The following WWOX variants were observed in gnomAD, a reference collection of about 807,000 sequenced individuals.
The protein encoded by WWOX is WW domain-containing oxidoreductase.
Under a neutral mutation model 46.2 loss-of-function variants are expected in WWOX, and 69 were observed. The ratio of observed to expected loss-of-function variants is 1.49; its 90% CI spans 1.23 to 1.82. WWOX has a LOEUF of 1.82. WWOX is among the 40% of genes most tolerant of loss of function. The pLI is 0.00. For synonymous variants in WWOX, 359 were observed against 202.6 expected (o/e 1.77, Z -6.56); for missense variants, 919 against 542.6 (o/e 1.69, Z -6.89).
chr16:78,884,141 G>A (rs549719230), intron 8 of WWOX, among the ~76,000 whole-genome samples: 160 of 151,882 alleles, frequency 1.1e-3, no homozygotes, highest in African/African-American at 3.4e-3. Context: ...GCATAGTGGC[G>A]TATGCCTGTA....
rs1232283437 is a variant in WWOX, at chr16:78,996,370, G to A, written c.1057-215238G>A. On this transcript the variant is annotated intron_variant, in intron 8 of 8. Transcript: ENST00000566780. ...AATAGAAAGAGTGTGAGTGAATTCT[G>A]CACCCACCCCCGCCCCCCAGCTTCC... is the stretch of plus-strand genomic sequence containing the variant. The A allele has an allele frequency of 7.2e-6, 6 of 834,672 alleles. No homozygotes were observed. In the Admixed American group the frequency reaches 3.7e-4, roughly 51 times the overall value. The allele number at this position is 834,672 out of a possible 1,614,324, so 51.7% of individuals were successfully genotyped here. A position where few individuals can be genotyped will look rare whatever the true frequency, so the allele number is the denominator to read the frequency against.
intron 8 of WWOX, among the ~76,000 whole-genome samples, chr16:79,129,334 T>A (rs1265754381): frequency 6.7e-6 from 1 of 149,822 alleles, no homozygotes; most frequent in East Asian, 2.0e-4. Context: ...ATGTTCGTTA[T>A]GCACATAGTC....
chr16:78,773,754 G>C (rs2050122474), intron 8 of WWOX, among the ~76,000 whole-genome samples: 1 of 152,178 alleles, frequency 6.6e-6, no homozygotes, highest in Admixed American at 6.5e-5. Flanking sequence ...GGCAGGAGGC[G>C]ACAAACAAAG....
chr16:78,563,433 G>A (rs776595768), intron 8 of WWOX, among the ~76,000 whole-genome samples: 16 of 150,784 alleles, frequency 1.1e-4, no homozygotes, highest in Non-Finnish European at 1.6e-4. Flanking sequence ...CAATAACAAC[G>A]TAGGAGGGAG....
At chr16:78,480,392 A>G (rs1325447106) in intron 8 of WWOX, among the ~76,000 whole-genome samples, 2 of 152,218 alleles carry the variant, frequency 1.3e-5, no homozygotes, top group African/African-American at 4.8e-5. Context: ...TCTTTCATTT[A>G]TTATTAAACA....
chr16:78,185,516 T>C (rs1366831706), intron 5 of WWOX, among the ~76,000 whole-genome samples: 1 of 151,752 alleles, frequency 6.6e-6, no homozygotes, highest in African/African-American at 2.4e-5. Context: ...TAAGTTTACA[T>C]GTAGAAGCTC....
chr16:78,770,228 G>C (rs2050031114), intron 8 of WWOX, among the ~76,000 whole-genome samples: 1 of 152,112 alleles, frequency 6.6e-6, no homozygotes, highest in Non-Finnish European at 1.5e-5. Context: ...GTGTGCTCCT[G>C]TAGTTCCAGC....
chr16:78,962,302 C>A (rs1050009786), intron 8 of WWOX, among the ~76,000 whole-genome samples: 1 of 31,948 alleles, frequency 3.1e-5, no homozygotes, highest in African/African-American at 1.1e-4. Context: ...GCAAGGCATC[C>A]TTTTTTTTTT....
chr16:78,189,947 G>T (rs1567620836), intron 5 of WWOX, among the ~76,000 whole-genome samples: 1 of 152,034 alleles, frequency 6.6e-6, no homozygotes, highest in African/African-American at 2.4e-5. Flanking sequence ...GAGCCACCAC[G>T]CCCGGCTCAA....
At chr16:78,616,211 C>A (rs569903821) in intron 8 of WWOX, among the ~76,000 whole-genome samples, 34 of 145,888 alleles carry the variant, frequency 2.3e-4, no homozygotes, top group Admixed American at 1.3e-4. Flanking sequence ...CACACACACA[C>A]TTTTGTGGTT....
rs1398909361 is a variant in WWOX, at chr16:78,991,483, C to G, written c.1057-220125C>G. ...GGGTGTGGTGGTGCACACCTGTAGT[C>G]CCAGCTACTCAGGAGGCTGAGATGG... On this transcript the variant is annotated intron_variant, in intron 8 of 8. Coordinates refer to ENST00000566780, the MANE Select transcript of WWOX (RefSeq NM_016373.4). Among the ~76,000 whole-genome samples, 3 of 151,508 alleles carry G rather than the reference C, an allele frequency of 2.0e-5. No homozygotes were observed. The East Asian group carries it at 5.8e-4, about 29-fold the overall frequency.
chr16:78,634,835 AGAGTGTGTGTGTGTGTGTGTGT>A lies in WWOX; in HGVS notation c.1056+202085_1056+202106del, dbSNP rs2046527933. Among the ~76,000 whole-genome samples the A allele has an allele frequency of 3.5e-4, 45 of 127,560 alleles. No homozygotes were observed. The South Asian group carries it at 0.011, about 32-fold the overall frequency. The allele number at this position is 127,560 out of a possible 152,430, so 83.7% of individuals were successfully genotyped here. ...TGGAGAGAGAGAGAGAGAGAGAGAGAGAGTGTGTGTGTGTGTGTGTGTGTGTGTGTGTGTGTGTGCGCGTGCA... is the reference window on the plus strand; with the variant it reads ...TGGAGAGAGAGAGAGAGAGAGAGAGAGTGTGTGTGTGTGTGTGCGCGTGCA... On this transcript the variant is annotated intron_variant, in intron 8 of 8. Transcript: ENST00000566780.
At chr16:78,914,672 G>A (rs959326155) in intron 8 of WWOX, among the ~76,000 whole-genome samples, 2 of 151,756 alleles carry the variant, frequency 1.3e-5, no homozygotes, top group African/African-American at 4.8e-5. Flanking sequence ...GAGGTCAGGA[G>A]ATCCAGACTA....
At chr16:78,811,170 C>A (rs992601085) in intron 8 of WWOX, among the ~76,000 whole-genome samples, 3 of 152,146 alleles carry the variant, frequency 2.0e-5, no homozygotes, top group African/African-American at 7.2e-5. Flanking sequence ...ATCCGAAAAA[C>A]AATCAGTGTT....
At chr16:79,176,715 C>T (rs552924081) in intron 8 of WWOX, among the ~76,000 whole-genome samples, 4 of 152,176 alleles carry the variant, frequency 2.6e-5, no homozygotes, top group East Asian at 1.9e-4. Context: ...TACAAAACAC[C>T]GAGGGCTTTA....
intron 6 of WWOX, among the ~76,000 whole-genome samples, chr16:78,395,841 TCA>T (rs1213389676): frequency 6.6e-6 from 1 of 152,220 alleles, no homozygotes; most frequent in Non-Finnish European, 1.5e-5. Context: ...CAAGGATGCT[TCA>T]CAGTTTTCTT....
chr16:78,328,614 A>C (rs1281156997), intron 5 of WWOX, among the ~76,000 whole-genome samples: 3 of 152,300 alleles, frequency 2.0e-5, no homozygotes, highest in Non-Finnish European at 2.9e-5. Flanking sequence ...TCGAATGTGG[A>C]AATTAGATGA....
chr16:78,523,981 T>C lies in WWOX; in HGVS notation c.1056+91229T>C, dbSNP rs145719329. 3.4e-3 allele frequency among the ~76,000 whole-genome samples: 512 copies of C among 152,342 alleles called. 2 individuals are homozygous for C. The highest frequency in any genetic ancestry group is 6.8e-3 in the Middle Eastern group (2 of 294). On this transcript the variant is annotated intron_variant, in intron 8 of 8. Coordinates refer to ENST00000566780, the MANE Select transcript of WWOX (RefSeq NM_016373.4). Reference sequence around the variant, plus strand: ...TCAGTATTTTATTAACATGTGCTACTATACAAATACACAATTCACTTAGGA... The same window carrying C: ...TCAGTATTTTATTAACATGTGCTACCATACAAATACACAATTCACTTAGGA...
chr16:78,401,224 A>G lies in WWOX; in HGVS notation c.605+14276A>G, dbSNP rs575582713. 2.6e-5 allele frequency among the ~76,000 whole-genome samples: 4 copies of G among 151,280 alleles called. No individual in the cohort carries two copies. The South Asian group carries it at 8.3e-4, about 32-fold the overall frequency. ...AATATTTTTGCAAGATATTTTTTCTAATACCACTTTTTTCTACATTTTCCA... is the reference window on the plus strand; with the variant it reads ...AATATTTTTGCAAGATATTTTTTCTGATACCACTTTTTTCTACATTTTCCA... On this transcript the variant is annotated intron_variant, in intron 6 of 8. Transcript: ENST00000566780.
Sources: allele counts gnomAD v4.1 joint callset (sites outside exome capture counted in the v4.1 genomes callset), GRCh38; gene constraint gnomAD v4.1.1; transcripts MANE v1.5; gene names NCBI Gene and HGNC (gene_info 2026-07-23, HGNC 2026-07-21).